LRRC4C: variants seen among roughly 807,000 people sequenced by gnomAD.
LRRC4C encodes leucine-rich repeat-containing protein 4C.
A neutral mutation model predicts 33.6 loss-of-function variants in LRRC4C; 5 were observed. That is an observed-to-expected ratio of 0.15 (90% confidence interval 0.08 to 0.31). The LOEUF is 0.31. Among genes scored for constraint, LRRC4C ranks in the 10% least tolerant of loss-of-function variants. LRRC4C has a pLI of 1.00. For synonymous variants in LRRC4C, 329 were observed against 302.0 expected (o/e 1.09, Z -0.93); for missense variants, 560 against 796.7 (o/e 0.70, Z 3.58).
At chr11:41,326,038 G>T (rs1348196248) in intron 1 of LRRC4C, among the ~76,000 whole-genome samples, 7 of 151,948 alleles carry the variant, frequency 4.6e-5, no homozygotes. Context: ...GCAAAGCATT[G>T]TTCTTGGGTG....
intron 3 of LRRC4C, among the ~76,000 whole-genome samples, chr11:40,565,132 A>G (rs1400883157): frequency 6.6e-6 from 1 of 152,172 alleles, no homozygotes; most frequent in Non-Finnish European, 1.5e-5. Context: ...AGTGACAGGA[A>G]ATGTGATTCA....
At chr11:40,251,978 G>A (rs1277068503) in intron 4 of LRRC4C, among the ~76,000 whole-genome samples, 2 of 152,122 alleles carry the variant, frequency 1.3e-5, no homozygotes, top group Non-Finnish European at 2.9e-5. Context: ...GATTCTCTGA[G>A]TGTCAATGAA....
At chr11:40,546,671 T>C (rs1487075883) in intron 3 of LRRC4C, among the ~76,000 whole-genome samples, 1 of 152,104 alleles carries the variant, frequency 6.6e-6, no homozygotes, top group Non-Finnish European at 1.5e-5. Context: ...AAATAAGCCA[T>C]AGTGATGGGC....
intron 4 of LRRC4C, among the ~76,000 whole-genome samples, chr11:40,268,863 TC>T (rs780515098): frequency 2.0e-5 from 3 of 152,092 alleles, no homozygotes; most frequent in African/African-American, 4.8e-5. Flanking sequence ...CCTCAGGAGA[TC>T]CTATGCATAG....
rs1947924077 is a variant in LRRC4C, at chr11:40,361,030, T to C, written c.-269-41309A>G. 1.3e-5 allele frequency among the ~76,000 whole-genome samples: 2 copies of C among 152,220 alleles called. 1 individual carries two copies. The highest frequency in any genetic ancestry group is 3.9e-4 in the East Asian group (2 of 5,186). ...ATCTCAATGGCTGCAGAAAAGGTTT[T>C]TGATATAGTTCAACATCCTTCATGT... On this transcript the variant is annotated intron_variant, in intron 3 of 6. Transcript: ENST00000528697.
chr11:40,794,104 A>G (rs1406328606), intron 2 of LRRC4C, among the ~76,000 whole-genome samples: 1 of 152,116 alleles, frequency 6.6e-6, no homozygotes, highest in Non-Finnish European at 1.5e-5. Context: ...CTAGATATGC[A>G]TCCTGTCTGA....
chr11:41,450,690 G>C (rs1005440646), intron 1 of LRRC4C, among the ~76,000 whole-genome samples: 1 of 152,228 alleles, frequency 6.6e-6, no homozygotes, highest in South Asian at 2.1e-4. Flanking sequence ...TTAAATGTGT[G>C]ACAGCTATTG....
At chr11:40,563,249 C>G (rs1357530611) in intron 3 of LRRC4C, among the ~76,000 whole-genome samples, 1 of 152,138 alleles carries the variant, frequency 6.6e-6, no homozygotes, top group Non-Finnish European at 1.5e-5. Context: ...ACTCACTGCC[C>G]AGCTGGAAGG....
intron 2 of LRRC4C, among the ~76,000 whole-genome samples, chr11:40,814,893 G>A (rs1951643685): frequency 6.6e-6 from 1 of 151,998 alleles, no homozygotes; most frequent in South Asian, 2.1e-4. Context: ...TCAGCACTTT[G>A]GTCAAAGCTA....
chr11:40,542,320 T>G (rs555360792), intron 3 of LRRC4C, among the ~76,000 whole-genome samples: 1 of 152,248 alleles, frequency 6.6e-6, no homozygotes, highest in Admixed American at 6.5e-5. Flanking sequence ...GATTTTATGA[T>G]TGGCTTCTGG....
chr11:40,751,095 C>A (rs1022517571), intron 2 of LRRC4C, among the ~76,000 whole-genome samples: 1 of 151,898 alleles, frequency 6.6e-6, no homozygotes, highest in Non-Finnish European at 1.5e-5. Flanking sequence ...GAATCTTAAT[C>A]TATACATAAG....
intron 2 of LRRC4C, among the ~76,000 whole-genome samples, chr11:40,715,426 A>T (rs549905973): frequency 6.6e-6 from 1 of 152,330 alleles, no homozygotes; most frequent in East Asian, 1.9e-4. Flanking sequence ...AGCAGCAACA[A>T]TTGTCACAGT....
At chr11:40,594,330 C>A (rs957876185) in intron 3 of LRRC4C, among the ~76,000 whole-genome samples, 1 of 152,148 alleles carries the variant, frequency 6.6e-6, no homozygotes, top group African/African-American at 2.4e-5. Context: ...GGAGGTAGAA[C>A]AATTATTCTT....
intron 3 of LRRC4C, among the ~76,000 whole-genome samples, chr11:40,374,036 T>G (rs1181773632): frequency 6.6e-6 from 1 of 152,130 alleles, no homozygotes; most frequent in Non-Finnish European, 1.5e-5. Context: ...AAACCAAAAG[T>G]ATATATCATT....
chr11:40,139,866 C>T (rs1028371403), intron 6 of LRRC4C, among the ~76,000 whole-genome samples: 6 of 152,146 alleles, frequency 3.9e-5, no homozygotes, highest in South Asian at 4.1e-4. Flanking sequence ...CCTGGGGGTC[C>T]GAAGAAACAT....
chr11:40,989,366 C>G (rs755646450), intron 1 of LRRC4C, among the ~76,000 whole-genome samples: 1 of 152,130 alleles, frequency 6.6e-6, no homozygotes, highest in African/African-American at 2.4e-5. Flanking sequence ...GAAGTAGGTG[C>G]AAATGCTGTT....
chr11:41,212,697 A>C (rs1441367384), intron 1 of LRRC4C, among the ~76,000 whole-genome samples: 2 of 152,216 alleles, frequency 1.3e-5, no homozygotes, highest in African/African-American at 2.4e-5. Context: ...TTTGCTGAGA[A>C]TAATAGCTTC....
chr11:40,975,617 C>T (rs1852028336), intron 1 of LRRC4C, among the ~76,000 whole-genome samples: 1 of 152,182 alleles, frequency 6.6e-6, no homozygotes, highest in South Asian at 2.1e-4. Flanking sequence ...CCTCTACCAA[C>T]TAGAATAATA....
chr11:40,161,076 A>G (rs1176485879), intron 5 of LRRC4C, among the ~76,000 whole-genome samples: 1 of 152,224 alleles, frequency 6.6e-6, no homozygotes, highest in African/African-American at 2.4e-5. Context: ...ATTTCCAGAA[A>G]GTTTTCATCT....
Sources: allele counts gnomAD v4.1 joint callset (sites outside exome capture counted in the v4.1 genomes callset), GRCh38; gene constraint gnomAD v4.1.1; transcripts MANE v1.5; gene names NCBI Gene and HGNC (gene_info 2026-07-23, HGNC 2026-07-21).